The following LRRIQ1 variants were observed in gnomAD, a reference collection of about 807,000 sequenced individuals.
LRRIQ1 encodes the protein leucine-rich repeat- and IQ domain-containing protein 1.
LRRIQ1 carries 210 observed loss-of-function variants against 211.9 expected under a neutral mutation model. The ratio of observed to expected loss-of-function variants is 0.99; its 90% CI spans 0.89 to 1.11. The LOEUF is 1.11. LRRIQ1 is among the 50% of genes most tolerant of loss of function. The pLI is 0.00. For synonymous variants in LRRIQ1, 699 were observed against 650.1 expected (o/e 1.08, Z -1.14); for missense variants, 2,136 against 1,939.5 (o/e 1.10, Z -1.90).
intron 8 of LRRIQ1, among the ~76,000 whole-genome samples, chr12:85,062,164 A>G (rs980952749): frequency 3.3e-5 from 5 of 151,866 alleles, no homozygotes; most frequent in African/African-American, 1.2e-4. Context: ...AATTTTAAGT[A>G]TGGTATACAC....
chr12:85,217,492 G>A (rs10779152), intron 24 of LRRIQ1, among the ~76,000 whole-genome samples: 17,868 of 73,714 alleles, frequency 0.24, 3,436 homozygotes, highest in African/African-American at 0.56. Context: ...ATATATATAT[G>A]TATATATATA....
intron 18 of LRRIQ1, among the ~76,000 whole-genome samples, chr12:85,137,339 T>G (rs1397104776): frequency 2.0e-5 from 3 of 151,524 alleles, no homozygotes; most frequent in Non-Finnish European, 4.4e-5. Flanking sequence ...ACTCCAGGAT[T>G]ACTGAGGAAT....
intron 24 of LRRIQ1, among the ~76,000 whole-genome samples, chr12:85,179,079 G>A (rs959502852): frequency 6.6e-5 from 10 of 151,808 alleles, no homozygotes; most frequent in Admixed American, 3.3e-4. Context: ...AATAACAACC[G>A]AATATCTCCC....
At chr12:85,165,534 A>T (rs930466946) in intron 24 of LRRIQ1, among the ~76,000 whole-genome samples, 4 of 141,010 alleles carry the variant, frequency 2.8e-5, no homozygotes, top group Non-Finnish European at 4.5e-5. Context: ...GTGCAGTGAC[A>T]CTATCTCTTC....
At chr12:85,267,946 C>T (rs1896458784), downstream of LRRIQ1, among the ~76,000 whole-genome samples, 1 of 151,906 alleles carries the variant, frequency 6.6e-6, no homozygotes, top group Non-Finnish European at 1.5e-5. Flanking sequence ...TCAATAGCGT[C>T]AAGTGAGAAA....
the LRRIQ1 span, among the ~76,000 whole-genome samples, chr12:85,270,756 A>G: frequency 6.6e-6 from 1 of 152,140 alleles, no homozygotes; most frequent in African/African-American, 2.4e-5. Flanking sequence ...AACTTTCTTT[A>G]TATTTACTCC....
At position 85,124,144 on chromosome 12, in the gene LRRIQ1, A is replaced by G; in HGVS notation, c.3632A>G (p.Tyr1211Cys). 6.2e-7 allele frequency: 1 copy of G among 1,614,136 alleles called. No individual in the cohort carries two copies. Among genetic ancestry groups the G allele is most frequent in the South Asian group, 1.1e-5 (1 of 91,092 alleles). The change falls in exon 17 of 27, where the codon TAC (tyrosine) becomes TGC (cysteine). Residue 1211 changes from tyrosine (Y) to cysteine (C), a missense_variant. Tyr to Cys is a radical substitution (Grantham distance 194, BLOSUM62 -2). Coordinates refer to ENST00000393217, the MANE Select transcript of LRRIQ1 (RefSeq NM_001079910.2). The part of the protein sequence containing the change: ...FKKLMILSTE[Y>C]RHAHERGDVT... ...AAATTGATGATACTTAGTACTGAAT[A>G]CCGACATGCACACGAACGAGGGGAT...
At chr12:85,231,990 G>A (rs1037191065) in intron 25 of LRRIQ1, among the ~76,000 whole-genome samples, 7 of 152,116 alleles carry the variant, frequency 4.6e-5, no homozygotes, top group African/African-American at 1.7e-4. Context: ...CCAGATATAA[G>A]AGGTCTTGTT....
At chr12:85,210,344 G>A (rs140945008) in intron 24 of LRRIQ1, among the ~76,000 whole-genome samples, 7 of 152,202 alleles carry the variant, frequency 4.6e-5, no homozygotes, top group East Asian at 1.9e-4. Context: ...CAATGCTTAC[G>A]GAAAAACTAA....
intron 13 of LRRIQ1, among the ~76,000 whole-genome samples, chr12:85,099,731 A>G (rs1435835936): frequency 6.6e-6 from 1 of 151,854 alleles, no homozygotes; most frequent in African/African-American, 2.4e-5. Flanking sequence ...TACAATGCTC[A>G]CAAAACACAC....
chr12:85,046,277 A>G, intron 5 of LRRIQ1, 140 bp downstream of exon 5: 1 of 546,188 alleles, frequency 1.8e-6, no homozygotes, highest in Non-Finnish European at 3.3e-6. Flanking sequence ...TGCCTTTGCT[A>G]TACTTATTAA....
At chr12:85,121,439 T>C (rs1270292863) in intron 15 of LRRIQ1, among the ~76,000 whole-genome samples, 3 of 152,200 alleles carry the variant, frequency 2.0e-5, no homozygotes, top group Non-Finnish European at 4.4e-5. Flanking sequence ...CAAGTTTCAA[T>C]CTTTCATTTG....
chr12:85,197,717 T>C (rs1016074509), intron 24 of LRRIQ1, among the ~76,000 whole-genome samples: 2 of 151,378 alleles, frequency 1.3e-5, no homozygotes, highest in African/African-American at 2.4e-5. Flanking sequence ...TCGGGAGATA[T>C]ACCTAATGCT....
At chr12:85,154,241 CTT>C (rs57830834) in intron 23 of LRRIQ1, 147 bp downstream of exon 23, 10,255 of 392,586 alleles carry the variant, frequency 0.026, 951 homozygotes, top group African/African-American at 0.2. Context: ...AAAAATAAAA[CTT>C]AAGAGAAAAT....
rs763031107 is a variant in LRRIQ1 at position 85,047,237 on chromosome 12, A to G, written c.455-10A>G. Reference sequence around the variant, plus strand: ...ACAAATGATGATGTTATTTTTCTTCATGAGTGCAGATGATGCTGATATAAA... The same window carrying G: ...ACAAATGATGATGTTATTTTTCTTCGTGAGTGCAGATGATGCTGATATAAA... On this transcript the variant is annotated splice_polypyrimidine_tract_variant and intron_variant, in intron 5 of 26. Coordinates refer to ENST00000393217, the MANE Select transcript of LRRIQ1 (RefSeq NM_001079910.2). The G allele has an allele frequency of 1.3e-6, 2 of 1,550,980 alleles. No homozygotes were observed. Among genetic ancestry groups the G allele is most frequent in the South Asian group, 1.2e-5 (1 of 81,188 alleles).
At chr12:85,081,975 G>A (rs1015918954) in intron 11 of LRRIQ1, among the ~76,000 whole-genome samples, 1 of 151,726 alleles carries the variant, frequency 6.6e-6, no homozygotes, top group African/African-American at 2.4e-5. Flanking sequence ...TGCTCGCCTC[G>A]GCGTCCCAAA....
chr12:85,231,969 A>C (rs1383141439), intron 25 of LRRIQ1, among the ~76,000 whole-genome samples: 2 of 152,194 alleles, frequency 1.3e-5, no homozygotes, highest in Non-Finnish European at 2.9e-5. Flanking sequence ...ATAACTTACT[A>C]TTTCTATTAA....
At chr12:85,169,422 G>A (rs1891305474) in intron 24 of LRRIQ1, among the ~76,000 whole-genome samples, 1 of 152,086 alleles carries the variant, frequency 6.6e-6, no homozygotes, top group South Asian at 2.1e-4. Flanking sequence ...ATATAATTAA[G>A]TATCTAAAAT....
At chr12:85,217,158 C>T (rs1238188276) in intron 24 of LRRIQ1, among the ~76,000 whole-genome samples, 1 of 151,242 alleles carries the variant, frequency 6.6e-6, no homozygotes, top group Admixed American at 6.6e-5. Flanking sequence ...TTATCATAGG[C>T]AGAAGTTTAT....
Sources: gnomAD v4.1 joint callset for allele counts (sites outside exome capture counted in the v4.1 genomes callset) on GRCh38, gnomAD v4.1.1 for gene constraint, MANE v1.5 for transcripts, NCBI Gene and HGNC (gene_info 2026-07-23, HGNC 2026-07-21) for gene names.